TUBB8: variants seen among roughly 807,000 people sequenced by gnomAD.
The protein encoded by TUBB8 is tubulin beta 8 class VIII, also known as tubulin beta-8 chain.
A neutral mutation model predicts 33.7 loss-of-function variants in TUBB8; 25 were observed. The observed-to-expected ratio is 0.74, with a 90% CI of 0.54 to 1.04. TUBB8 has a LOEUF of 1.04. TUBB8 is among the 50% of genes least tolerant of loss of function. TUBB8 has a pLI of 0.00. For synonymous variants in TUBB8, 245 were observed against 240.1 expected, an observed-to-expected ratio of 1.02 and a Z score of -0.19; for missense variants, 279 against 608.0, an observed-to-expected ratio of 0.46 and a Z score of 5.69.
chr10:66,741 A>G (rs1195207481), intron 1 of TUBB8, among the ~76,000 whole-genome samples: 30 of 152,364 alleles, frequency 2.0e-4, no homozygotes, highest in Middle Eastern at 3.4e-3. Context: ...GGAGGCCAAG[A>G]GAGGAGTATC....
chr10:55,940 A>G (rs1834524982), intron 1 of TUBB8, among the ~76,000 whole-genome samples: 1 of 152,224 alleles, frequency 6.6e-6, no homozygotes, highest in Admixed American at 6.5e-5. Context: ...GTTTTGGTTT[A>G]TATACTCAGA....
At chr10:74,866 ATTTTTTTTT>A (rs573408150), upstream of TUBB8, among the ~76,000 whole-genome samples, 65 of 115,766 alleles carry the variant, frequency 5.6e-4, no homozygotes, top group Middle Eastern at 4.4e-3. Flanking sequence ...GTCTGTGCCA[ATTTTTTTTT>A]TTTTTTTTTT....
intron 1 of TUBB8, among the ~76,000 whole-genome samples, chr10:54,578 G>C (rs1834506261): frequency 6.6e-6 from 1 of 152,194 alleles, no homozygotes; most frequent in African/African-American, 2.4e-5. Context: ...ATGATGATCA[G>C]TAATGTGGAG....
intron 1 of TUBB8, among the ~76,000 whole-genome samples, chr10:61,128 T>C (rs1248320950): frequency 1.3e-5 from 2 of 149,948 alleles, no homozygotes; most frequent in Admixed American, 1.3e-4. Flanking sequence ...TAATGCTAGA[T>C]GACGAGTTAG....
In TUBB8 at chr10:46,931, A is replaced by C. The variant is rs1186026722; in HGVS notation, c.*126T>G. On this transcript the variant is annotated 3_prime_UTR_variant, in exon 4 of 4. Transcript: ENST00000568584. ...TTTATTAGTCAAAACCGCATACTATAAAAATGCTTTAAAACGCAGCAGGAG... is the reference window on the plus strand; with the variant it reads ...TTTATTAGTCAAAACCGCATACTATCAAAATGCTTTAAAACGCAGCAGGAG... The C allele has an allele frequency of 3.4e-6, 2 of 588,432 alleles. No individual in the cohort carries two copies. Among genetic ancestry groups the C allele is most frequent in the African/African-American group, 4.0e-5 (2 of 50,036 alleles). 36.5% of individuals were successfully genotyped at this position (588,432 alleles called of 1,614,324 possible).
chr10:47,978 G>A lies in TUBB8; in HGVS notation c.414C>T (p.Ser138=), dbSNP rs782304204. The change falls in exon 4 of 4, where the codon TCC becomes TCT. Residue 138 remains serine (S), a synonymous_variant. Coordinates refer to ENST00000568584, the MANE Select transcript of TUBB8 (RefSeq NM_177987.3). ...DCLQGFQLTH[S]LGGGTGSGMG... ...TCCCAGACCCAGTCCCCCCACCCAG[G>A]GAGTGGGTCAGCTGGAAACCCTGCA... 7.5e-5 allele frequency: 121 copies of A among 1,613,948 alleles called. No homozygotes were observed. Among genetic ancestry groups the A allele is most frequent in the Non-Finnish European group, 1.0e-4 (119 of 1,180,018 alleles).
Position 47,759 on chromosome 10 carries a change from A to C in TUBB8, c.633T>G (p.Cys211Trp). ...GTGTGGGCAGTTTTAGGGTCTTGGA[A>C]CATATGTCATACAGAGCTTCGTTAT... is the stretch of plus-strand genomic sequence containing the variant. The part of the protein sequence containing the change: ...CIDNEALYDI[C>W]SKTLKLPTPT... Residue 211 changes from cysteine to tryptophan, a missense_variant, in exon 4 of 4, where the codon TGT becomes TGG. Coordinates refer to ENST00000568584, the MANE Select transcript of TUBB8 (RefSeq NM_177987.3). 6.2e-7 allele frequency: 1 copy of C among 1,613,908 alleles called. No individual in the cohort carries two copies. Among genetic ancestry groups the C allele is most frequent in the South Asian group, 1.1e-5 (1 of 91,064 alleles).
upstream of TUBB8, among the ~76,000 whole-genome samples, chr10:53,747 T>C (rs1167708194): frequency 6.6e-6 from 1 of 152,256 alleles, no homozygotes; most frequent in Non-Finnish European, 1.5e-5. Context: ...TTTTTTCCAC[T>C]TATAAACTAA....
At chr10:62,168 T>A (rs542903325) in intron 1 of TUBB8, among the ~76,000 whole-genome samples, 19 of 152,340 alleles carry the variant, frequency 1.2e-4, no homozygotes, top group African/African-American at 4.1e-4. Context: ...CTCTCATCGT[T>A]CTTTTCTTTC....
At chr10:59,150 C>A (rs1834567690) in intron 1 of TUBB8, among the ~76,000 whole-genome samples, 1 of 152,092 alleles carries the variant, frequency 6.6e-6, no homozygotes, top group Non-Finnish European at 1.5e-5. Flanking sequence ...TAAATTTTAT[C>A]AAATACTTTT....
At position 57,086 on chromosome 10, in the gene TUBB8, T is replaced by C. The variant is rs1427077211; in HGVS notation, c.-845-6853A>G. 2.6e-5 allele frequency among the ~76,000 whole-genome samples: 4 copies of C among 152,192 alleles called. No homozygotes were observed. The South Asian group carries it at 6.2e-4, about 24-fold the overall frequency. Reference sequence around the variant, plus strand: ...AGTCTGAAACCCAGAAGGGGAGTTATTGAATTTTAAGGCTCTAAAATAATT... The same window carrying C: ...AGTCTGAAACCCAGAAGGGGAGTTACTGAATTTTAAGGCTCTAAAATAATT... On this transcript the variant is annotated intron_variant, in intron 1 of 3. Transcript: ENST00000564130.
intron 1 of TUBB8, among the ~76,000 whole-genome samples, chr10:63,018 T>G (rs1292866582): frequency 6.6e-6 from 1 of 152,216 alleles, no homozygotes; most frequent in African/African-American, 2.4e-5. Context: ...TACTTGAATG[T>G]TGATATCGAA....
chr10:53,095 G>A (rs1834488870), upstream of TUBB8, among the ~76,000 whole-genome samples: 2 of 152,084 alleles, frequency 1.3e-5, no homozygotes, highest in Non-Finnish European at 2.9e-5. Context: ...ATATGCAAAA[G>A]AAATTTTGTT....
At position 48,062 on chromosome 10, in the gene TUBB8, C is replaced by T. The variant is rs189074154; in HGVS notation, c.330G>A (p.Ala110=). Residue 110 remains alanine, a synonymous_variant, in exon 4 of 4, where the codon GCG becomes GCA. Coordinates refer to ENST00000568584, the MANE Select transcript of TUBB8 (RefSeq NM_177987.3). ...NWAKGHYTEG[A]ELMESVMDVV... is the part of the protein sequence containing the mutation. ...CGTCCATCACTGACTCCATCAGCTCCGCGCCTTCGGTGTAGTGTCCCTTGG... is the reference window on the plus strand; with the variant it reads ...CGTCCATCACTGACTCCATCAGCTCTGCGCCTTCGGTGTAGTGTCCCTTGG... 135 of 1,613,986 alleles carry T rather than the reference C, an allele frequency of 8.4e-5. No individual in the cohort carries two copies. The East Asian group carries it at 1.0e-3, about 13-fold the overall frequency.
At chr10:67,106 T>C (rs1391754309) in intron 1 of TUBB8, among the ~76,000 whole-genome samples, 2 of 152,108 alleles carry the variant, frequency 1.3e-5, no homozygotes, top group Non-Finnish European at 2.9e-5. Flanking sequence ...TATAGTAGGA[T>C]TTGAAATTTG....
chr10:56,754 T>G (rs1170352103), intron 1 of TUBB8, among the ~76,000 whole-genome samples: 1 of 152,184 alleles, frequency 6.6e-6, no homozygotes, highest in Non-Finnish European at 1.5e-5. Flanking sequence ...AATGTAAGAT[T>G]TTGGTGGGAA....
At chr10:54,222 A>G (rs1330979233), upstream of TUBB8, among the ~76,000 whole-genome samples, 2 of 151,736 alleles carry the variant, frequency 1.3e-5, no homozygotes, top group East Asian at 1.9e-4. Flanking sequence ...AACCAACCTT[A>G]TACTCTCTAT....
chr10:49,771 ACAGT>A (rs578164645), upstream of TUBB8: 23 of 355,356 alleles, frequency 6.5e-5, no homozygotes, highest in South Asian at 2.1e-4. Flanking sequence ...GGTGTTAGAG[ACAGT>A]CAGGCCTCTG....
intron 1 of TUBB8, among the ~76,000 whole-genome samples, chr10:67,570 G>A (rs146306361): frequency 1.6e-3 from 241 of 152,124 alleles, no homozygotes; most frequent in Middle Eastern, 0.014. Context: ...GATTACATGC[G>A]CATGCCACGA....
Sources: gnomAD v4.1 joint callset for allele counts (sites outside exome capture counted in the v4.1 genomes callset) on GRCh38, gnomAD v4.1.1 for gene constraint, MANE v1.5 for transcripts, NCBI Gene and HGNC (gene_info 2026-07-23, HGNC 2026-07-21) for gene names.